FAM241A: variants seen among roughly 807,000 people sequenced by gnomAD.
FAM241A encodes the protein family with sequence similarity 241 member A.
Under a neutral mutation model 12.2 loss-of-function variants are expected in FAM241A, and 7 were observed. That is an observed-to-expected ratio of 0.58 (90% CI 0.33 to 1.08). The LOEUF (loss-of-function observed/expected upper bound fraction) is 1.08. Ranked by LOEUF, FAM241A falls within the 50% of genes least tolerant of loss-of-function variation. The pLI is 0.04. For synonymous variants in FAM241A, 74 were observed against 68.2 expected (o/e 1.08, Z -0.42); for missense variants, 161 against 169.7 (o/e 0.95, Z 0.29).
chr4:112,160,269 A>G (rs146047124), intron 1 of FAM241A, among the ~76,000 whole-genome samples: 2,409 of 152,094 alleles, frequency 0.016, 28 homozygotes, highest in Non-Finnish European at 0.025. Flanking sequence ...TTAGCTGGGC[A>G]TGGTGATGCG....
intron 1 of FAM241A, among the ~76,000 whole-genome samples, chr4:112,154,948 C>T (rs1228160554): frequency 1.3e-5 from 2 of 152,134 alleles, no homozygotes; most frequent in African/African-American, 4.8e-5. Flanking sequence ...GTAGAAGAAT[C>T]GCTTGAACCC....
intron 1 of FAM241A, among the ~76,000 whole-genome samples, chr4:112,155,274 T>C (rs372140423): frequency 2.0e-5 from 3 of 152,162 alleles, no homozygotes; most frequent in African/African-American, 4.8e-5. Context: ...TCTGCAATTA[T>C]GACTTATAAT....
At chr4:112,172,508 ATT>A (rs1466218605) in intron 1 of FAM241A, among the ~76,000 whole-genome samples, 5 of 152,232 alleles carry the variant, frequency 3.3e-5, no homozygotes. Context: ...TCATTTAAAT[ATT>A]TGAAAGCAGT....
chr4:112,191,983 T>C lies in FAM241A; in HGVS notation c.*5045T>C, dbSNP rs900094676. 1.3e-5 allele frequency: 2 copies of C among 152,186 alleles called. No individual in the cohort carries two copies. The highest frequency in any genetic ancestry group is 4.8e-5 in the African/African-American group (2 of 41,436). The allele number at this position is 152,186 out of a possible 1,614,324, so 9.4% of individuals were successfully genotyped here. A position where few individuals can be genotyped will look rare whatever the true frequency, so the allele number is the denominator to read the frequency against. On this transcript the variant is annotated 3_prime_UTR_variant, in exon 2 of 2. Coordinates refer to ENST00000309733, the MANE Select transcript of FAM241A (RefSeq NM_152400.3). ...CAAGTAAACCCACTTCATCTACTCA[T>C]GGTCTTCATATAGACCACTAACAAA...
chr4:112,146,186 G>C (rs1275980801), intron 1 of FAM241A, among the ~76,000 whole-genome samples: 1 of 152,196 alleles, frequency 6.6e-6, no homozygotes, highest in Non-Finnish European at 1.5e-5. Flanking sequence ...CACCTAGCGT[G>C]TCTGGAAGGT....
At chr4:112,174,391 C>T (rs1047051129) in intron 1 of FAM241A, among the ~76,000 whole-genome samples, 5 of 152,206 alleles carry the variant, frequency 3.3e-5, no homozygotes, top group South Asian at 2.1e-4. Context: ...CGGTGACTCA[C>T]GCCTGTAATC....
Position 112,187,245 on chromosome 4 carries a change from GA to G in FAM241A, c.*311del, listed in dbSNP as rs954627087. 3 of 242,188 alleles carry G rather than the reference GA, an allele frequency of 1.2e-5. No homozygotes were observed. Among genetic ancestry groups the G allele is most frequent in the Non-Finnish European group, 2.4e-5 (3 of 126,804 alleles). 15.0% of individuals were successfully genotyped at this position (242,188 alleles called of 1,614,324 possible). On this transcript the variant is annotated 3_prime_UTR_variant, in exon 2 of 2. Transcript: ENST00000309733. ...GTAACACCACCAGAAAGTGAACAGG[GA>G]AAATAACAGGACATGGAATTCAAAT...
chr4:112,189,697 C>T lies in FAM241A; in HGVS notation c.*2759C>T, dbSNP rs1724125815. 1.3e-5 allele frequency: 2 copies of T among 152,200 alleles called. No individual in the cohort carries two copies. Among genetic ancestry groups the T allele is most frequent in the South Asian group, 2.1e-4 (1 of 4,838 alleles). 9.4% of individuals were successfully genotyped at this position (152,200 alleles called of 1,614,324 possible). On this transcript the variant is annotated 3_prime_UTR_variant, in exon 2 of 2. Coordinates refer to ENST00000309733, the MANE Select transcript of FAM241A (RefSeq NM_152400.3). Reference sequence around the variant, plus strand: ...TGGCTACAGGCAGATCATTCCTAGTCCAGTAGTGTGCTGGAGCAAGCTTGC... The same window carrying T: ...TGGCTACAGGCAGATCATTCCTAGTTCAGTAGTGTGCTGGAGCAAGCTTGC...
intron 1 of FAM241A, among the ~76,000 whole-genome samples, chr4:112,172,301 C>T (rs1188968118): frequency 1.3e-5 from 2 of 152,170 alleles, no homozygotes; most frequent in Admixed American, 6.5e-5. Context: ...TATTTCAGAG[C>T]ATATCTACAT....
intron 1 of FAM241A, among the ~76,000 whole-genome samples, chr4:112,169,191 G>A (rs1477937438): frequency 6.6e-6 from 1 of 152,076 alleles, no homozygotes; most frequent in Non-Finnish European, 1.5e-5. Context: ...CAGAAGAGCG[G>A]CATCAGTGAT....
intron 1 of FAM241A, among the ~76,000 whole-genome samples, chr4:112,177,862 T>C (rs1204354727): frequency 6.6e-6 from 1 of 152,200 alleles, no homozygotes; most frequent in Non-Finnish European, 1.5e-5. Context: ...TTCAAAAATA[T>C]TGAAAAATTC....
In FAM241A at chr4:112,193,199, T is replaced by A. The variant is rs1724200827; in HGVS notation, c.*6261T>A. ...GCCCACTTTTTGATGGGGTTGTTTG[T>A]TTTTTTCTTGTAAATTTGTTTGAGT... is the stretch of plus-strand genomic sequence containing the variant. On this transcript the variant is annotated 3_prime_UTR_variant, in exon 2 of 2. Coordinates refer to ENST00000309733, the MANE Select transcript of FAM241A (RefSeq NM_152400.3). 1 of 151,412 alleles carries A rather than the reference T, an allele frequency of 6.6e-6. No homozygotes were observed. The highest frequency in any genetic ancestry group is 1.5e-5 in the Non-Finnish European group (1 of 67,678). 9.4% of individuals were successfully genotyped at this position (151,412 alleles called of 1,614,324 possible).
rs1188949036 is a variant in FAM241A, at chr4:112,187,969, A to G, written c.*1031A>G. On this transcript the variant is annotated 3_prime_UTR_variant, in exon 2 of 2. Coordinates refer to ENST00000309733, the MANE Select transcript of FAM241A (RefSeq NM_152400.3). ...ATTAACAGTATAAAACCAAATGCTTAAATTTGGAACTTAGCCAATTTTGAT... is the reference window on the plus strand; with the variant it reads ...ATTAACAGTATAAAACCAAATGCTTGAATTTGGAACTTAGCCAATTTTGAT... 4 of 152,134 alleles carry G rather than the reference A, an allele frequency of 2.6e-5. No homozygotes were observed. Among genetic ancestry groups the G allele is most frequent in the Admixed American group, 2.0e-4 (3 of 15,274 alleles). The allele number at this position is 152,134 out of a possible 1,614,324, so 9.4% of individuals were successfully genotyped here.
At chr4:112,175,385 A>G (rs1177693970) in intron 1 of FAM241A, among the ~76,000 whole-genome samples, 1 of 152,186 alleles carries the variant, frequency 6.6e-6, no homozygotes, top group South Asian at 2.1e-4. Flanking sequence ...CAACACAGAA[A>G]AAACCTGTCT....
intron 1 of FAM241A, among the ~76,000 whole-genome samples, chr4:112,162,656 A>G (rs1218823519): frequency 6.6e-6 from 1 of 152,196 alleles, no homozygotes; most frequent in African/African-American, 2.4e-5. Context: ...AACGAAATAA[A>G]AGAGGACACA....
Position 112,187,530 on chromosome 4 carries a change from AAT to A in FAM241A, c.*597_*598del, listed in dbSNP as rs1202678209. On this transcript the variant is annotated 3_prime_UTR_variant, in exon 2 of 2. Coordinates refer to ENST00000309733, the MANE Select transcript of FAM241A (RefSeq NM_152400.3). ...AGAACGTTTTCTAAAGGTCAAAAAT[AAT>A]ATATTTATTATTACTGGGGAAAGCT... 1 of 152,576 alleles carries A rather than the reference AAT, an allele frequency of 6.6e-6. No individual in the cohort carries two copies. The highest frequency in any genetic ancestry group is 1.5e-5 in the Non-Finnish European group (1 of 68,006). 9.5% of individuals were successfully genotyped at this position (152,576 alleles called of 1,614,324 possible).
chr4:112,157,059 A>G (rs560877752), intron 1 of FAM241A, among the ~76,000 whole-genome samples: 1 of 152,314 alleles, frequency 6.6e-6, no homozygotes, highest in East Asian at 1.9e-4. Context: ...ATGTTAAATT[A>G]TAATTTCCAA....
chr4:112,155,706 A>C (rs1465499342), intron 1 of FAM241A, among the ~76,000 whole-genome samples: 1 of 152,178 alleles, frequency 6.6e-6, no homozygotes, highest in Non-Finnish European at 1.5e-5. Flanking sequence ...AATGCAAATT[A>C]AAACAATTAG....
At position 112,194,744 on chromosome 4, in the gene FAM241A, G is replaced by T. The variant is rs1280278036; in HGVS notation, c.*7806G>T. 1.3e-5 allele frequency: 2 copies of T among 151,956 alleles called. No individual in the cohort carries two copies. Among genetic ancestry groups the T allele is most frequent in the Admixed American group, 6.6e-5 (1 of 15,236 alleles). The allele number at this position is 151,956 out of a possible 1,614,324, so 9.4% of individuals were successfully genotyped here. ...AGCTTTTTGATGTGCTGCTGGATTT[G>T]GTTCGCCAGTATTTTATTGAGGATT... On this transcript the variant is annotated 3_prime_UTR_variant, in exon 2 of 2. Transcript: ENST00000309733.
Sources: allele counts gnomAD v4.1 joint callset (sites outside exome capture counted in the v4.1 genomes callset), GRCh38; gene constraint gnomAD v4.1.1; transcripts MANE v1.5; gene names NCBI Gene and HGNC (gene_info 2026-07-23, HGNC 2026-07-21).